Variants in WDR3 observed in about 807,000 individuals in gnomAD.
The protein encoded by WDR3 is WD repeat domain 3.
A neutral mutation model predicts 123.7 loss-of-function variants in WDR3; 81 were observed. The observed-to-expected ratio is 0.65, with a 90% CI of 0.55 to 0.79. The LOEUF is 0.79. Among genes scored for constraint, WDR3 ranks in the 30% least tolerant of loss-of-function variants. WDR3 has a pLI of 0.00. For missense variants in WDR3, 1,027 were observed against 1,123.2 expected, an observed-to-expected ratio of 0.91 and a Z score of 1.22; for synonymous variants, 390 against 388.8, an observed-to-expected ratio of 1.00 and a Z score of -0.04.
intron 6 of WDR3, 22 bp from the exon 7 acceptor site, chr1:117,940,805 T>G: frequency 6.3e-7 from 1 of 1,579,614 alleles, no homozygotes; most frequent in Non-Finnish European, 8.6e-7. Flanking sequence ...TCAGCTTTTA[T>G]TTTCTCATTT....
intron 11 of WDR3, among the ~76,000 whole-genome samples, chr1:117,944,773 C>G (rs915087340): frequency 6.6e-6 from 1 of 152,180 alleles, no homozygotes; most frequent in Admixed American, 6.5e-5. Context: ...GTGATCTCGC[C>G]TCACTGCAAC....
At position 117,961,515 on chromosome 1, in the gene WDR3, C is replaced by T. The variant is rs1653096730; in HGVS notation, c.*2068C>T. ...TTAGATGTTCTGTATCTTCTTGAGACAGTTTTGCTTTTTATCTTTTTTGTT... is the reference window on the plus strand; with the variant it reads ...TTAGATGTTCTGTATCTTCTTGAGATAGTTTTGCTTTTTATCTTTTTTGTT... On this transcript the variant is annotated 3_prime_UTR_variant, in exon 27 of 27. Transcript: ENST00000349139. 1 of 152,116 alleles carries T rather than the reference C, an allele frequency of 6.6e-6. No individual in the cohort carries two copies. Among genetic ancestry groups the T allele is most frequent in the Admixed American group, 6.5e-5 (1 of 15,274 alleles). 9.4% of individuals were successfully genotyped at this position (152,116 alleles called of 1,614,324 possible).
At chr1:117,959,267 T>C (rs754105716) in intron 26 of WDR3, 25 bp from the exon 27 acceptor site, 157 of 1,594,978 alleles carry the variant, frequency 9.8e-5, no homozygotes, top group Middle Eastern at 3.4e-4. Context: ...GAAAATTTTT[T>C]AATATTTCTT....
At chr1:117,947,024 G>A (rs941975663) in intron 12 of WDR3, among the ~76,000 whole-genome samples, 2 of 151,614 alleles carry the variant, frequency 1.3e-5, no homozygotes, top group Non-Finnish European at 2.9e-5. Context: ...ATGGGATGAC[G>A]ACACTTGCTT....
In WDR3 at chr1:117,942,564, C is replaced by T. The variant is rs548569896; in HGVS notation, c.1097+20C>T. On this transcript the variant is annotated intron_variant, in intron 10 of 26. Coordinates refer to ENST00000349139, the MANE Select transcript of WDR3 (RefSeq NM_006784.3). ...AATCAAGTGAGTAAAAATAAATTAT[C>T]TGAAGTTATAGAAATAGTAAGCTAC... 72 of 1,596,604 alleles carry T rather than the reference C, an allele frequency of 4.5e-5. No individual in the cohort carries two copies. The highest frequency in any genetic ancestry group is 1.7e-4 in the Middle Eastern group (1 of 6,018).
chr1:117,941,626 A>C, intron 8 of WDR3, 124 bp from the exon 9 acceptor site: 2 of 1,204,908 alleles, frequency 1.7e-6, no homozygotes, highest in Admixed American at 6.1e-5. Flanking sequence ...AGAGAGATTA[A>C]GTTGTCCAAG....
chr1:117,939,215 C>T (rs1024778165), intron 5 of WDR3, among the ~76,000 whole-genome samples: 3 of 152,168 alleles, frequency 2.0e-5, no homozygotes, highest in African/African-American at 2.4e-5. Context: ...TTATGCTGAA[C>T]AGCCATTATC....
At chr1:117,952,148 C>G in intron 17 of WDR3, 72 bp downstream of exon 17, 4 of 1,542,592 alleles carry the variant, frequency 2.6e-6, no homozygotes, top group Non-Finnish European at 3.6e-6. Flanking sequence ...GCATCTGTGT[C>G]TATTTTTCAG....
chr1:117,937,047 G>A (rs551165089), intron 4 of WDR3, among the ~76,000 whole-genome samples, 160 bp downstream of exon 4: 4 of 152,096 alleles, frequency 2.6e-5, no homozygotes, highest in South Asian at 2.1e-4. Flanking sequence ...AAGTAGTATC[G>A]TAGAGCTATC....
intron 4 of WDR3, among the ~76,000 whole-genome samples, chr1:117,937,612 T>C (rs1183911897): frequency 6.6e-6 from 1 of 152,162 alleles, no homozygotes; most frequent in Non-Finnish European, 1.5e-5. Context: ...AGAAAAAATA[T>C]ATATTACAGC....
chr1:117,945,638 C>G lies in WDR3; in HGVS notation c.1329-448C>G, dbSNP rs138026032. Among the ~76,000 whole-genome samples the G allele has an allele frequency of 2.8e-3, 425 of 152,228 alleles. 1 individual carries two copies. The highest frequency in any genetic ancestry group is 0.01 in the African/African-American group (417 of 41,544). Reference sequence around the variant, plus strand: ...TCATCCACTGTTGTATCTCCAGCACCTAGAACAGTACCTGGTAATGTAGTG... The same window carrying G: ...TCATCCACTGTTGTATCTCCAGCACGTAGAACAGTACCTGGTAATGTAGTG... On this transcript the variant is annotated intron_variant, in intron 11 of 26. Transcript: ENST00000349139.
Position 117,938,512 on chromosome 1 carries a change from T to C in WDR3, c.533T>C (p.Leu178Pro). The change falls in exon 5 of 27, where the codon CTT (leucine) becomes CCT (proline). Residue 178 changes from leucine to proline, a missense_variant. Coordinates refer to ENST00000349139, the MANE Select transcript of WDR3 (RefSeq NM_006784.3). ...GATACCATGGTGAAATGGTGGGACC[T>C]TGATACTCAGCACTGCTTTAAAACA... is the stretch of plus-strand genomic sequence containing the variant. ...GKDTMVKWWD[L>P]DTQHCFKTMV... 1.2e-6 allele frequency: 2 copies of C among 1,613,406 alleles called. No individual in the cohort carries two copies. Among genetic ancestry groups the C allele is most frequent in the African/African-American group, 1.3e-5 (1 of 75,028 alleles).
At position 117,949,772 on chromosome 1, in the gene WDR3, G is replaced by A. The variant is rs1361980909; in HGVS notation, c.1546G>A (p.Ala516Thr). The change falls in exon 14 of 27, where the codon GCA becomes ACA. Residue 516 changes from alanine to threonine, a missense_variant. Coordinates refer to ENST00000349139, the MANE Select transcript of WDR3 (RefSeq NM_006784.3). Reference sequence around the variant, plus strand: ...TCAGCGTGGCTTTGTGACAGGTGGTGCAGATAAATCTGTCAAATTCTGGGA... The same window carrying A: ...TCAGCGTGGCTTTGTGACAGGTGGTACAGATAAATCTGTCAAATTCTGGGA... ...PDQRGFVTGGADKSVKFWDFE... is the reference protein window; with the variant it reads ...PDQRGFVTGGTDKSVKFWDFE... 3.1e-6 allele frequency: 5 copies of A among 1,613,790 alleles called. No homozygotes were observed. The highest frequency in any genetic ancestry group is 3.3e-5 in the Admixed American group (2 of 60,002).
intron 11 of WDR3, among the ~76,000 whole-genome samples, chr1:117,943,946 T>C (rs1189476148): frequency 6.6e-6 from 1 of 152,140 alleles, no homozygotes; most frequent in African/African-American, 2.4e-5. Context: ...GTACCCTAAT[T>C]TCTCACCCTT....
At chr1:117,948,645 T>C (rs1162550365) in intron 13 of WDR3, 139 bp downstream of exon 13, 2 of 498,894 alleles carry the variant, frequency 4.0e-6, no homozygotes, top group Non-Finnish European at 6.8e-6. Flanking sequence ...TGCCTTCTTA[T>C]AAATGACCAC....
Position 117,957,051 on chromosome 1 carries a change from T to G in WDR3, c.2454-17T>G, listed in dbSNP as rs1652306030. ...TTAACAAATGTGGCATTTTTATATT[T>G]ATTTTTTCTTTTTCAGTGAGCTGGA... On this transcript the variant is annotated splice_polypyrimidine_tract_variant and intron_variant, in intron 24 of 26. Coordinates refer to ENST00000349139, the MANE Select transcript of WDR3 (RefSeq NM_006784.3). 2 of 1,547,658 alleles carry G rather than the reference T, an allele frequency of 1.3e-6. No homozygotes were observed. The highest frequency in any genetic ancestry group is 4.2e-5 in the Admixed American group (2 of 47,158).
chr1:117,946,668 G>A (rs1375515486), intron 12 of WDR3, among the ~76,000 whole-genome samples: 15 of 152,108 alleles, frequency 9.9e-5, no homozygotes, highest in East Asian at 1.9e-4. Flanking sequence ...TGGGCCGGGC[G>A]CAGTGGCTCA....
rs764754695 is a variant in WDR3 at position 117,959,654 on chromosome 1, T to C, written c.*207T>C. ...TCCATTTCTTGGACTTAAAATGCAT[T>C]ATTAGTTTAAAAATCTTTCTGTGCT... On this transcript the variant is annotated 3_prime_UTR_variant, in exon 27 of 27. Transcript: ENST00000349139. 4.1e-5 allele frequency: 18 copies of C among 436,642 alleles called. No homozygotes were observed. The highest frequency in any genetic ancestry group is 5.4e-5 in the Non-Finnish European group (14 of 257,066). The allele number at this position is 436,642 out of a possible 1,614,324, so 27.0% of individuals were successfully genotyped here.
Position 117,934,689 on chromosome 1 carries a change from C to T in WDR3, c.381+7C>T. ...ACTGGCATCTGGGTCCAAGGTGAGC[C>T]TTTGAATCAGCCCAGGCTTTGATCT... On this transcript the variant is annotated splice_region_variant and intron_variant, in intron 3 of 26. Transcript: ENST00000349139. The T allele has an allele frequency of 6.2e-7, 1 of 1,612,510 alleles. No individual in the cohort carries two copies. Among genetic ancestry groups the T allele is most frequent in the Non-Finnish European group, 8.5e-7 (1 of 1,179,774 alleles).
Sources: gnomAD v4.1 joint callset for allele counts (sites outside exome capture counted in the v4.1 genomes callset) on GRCh38, gnomAD v4.1.1 for gene constraint, MANE v1.5 for transcripts, NCBI Gene and HGNC (gene_info 2026-07-23, HGNC 2026-07-21) for gene names.